Variants in HTR1F observed in about 807,000 individuals in gnomAD.
HTR1F encodes 5-hydroxytryptamine (serotonin) receptor 1F, G protein-coupled.
HTR1F carries 17 observed loss-of-function variants against 24.0 expected under a neutral mutation model. The observed-to-expected ratio is 0.71, with a 90% CI of 0.48 to 1.06. HTR1F has a LOEUF of 1.06. HTR1F is among the 50% of genes least tolerant of loss of function. The pLI is 0.00. For synonymous variants in HTR1F, 186 were observed against 156.8 expected (o/e 1.19, Z -1.39); for missense variants, 391 against 427.8 (o/e 0.91, Z 0.76).
At chr3:87,980,830 C>T (rs887593194) in intron 2 of HTR1F, among the ~76,000 whole-genome samples, 3 of 152,206 alleles carry the variant, frequency 2.0e-5, no homozygotes, top group Non-Finnish European at 2.9e-5. Context: ...CACTCGGGCT[C>T]GGCTTCAACT....
chr3:87,854,479 G>T (rs1200456764), intron 2 of HTR1F, among the ~76,000 whole-genome samples: 2 of 151,576 alleles, frequency 1.3e-5, no homozygotes, highest in African/African-American at 2.4e-5. Flanking sequence ...TTAATACCTA[G>T]GGTAGGTGTG....
At chr3:87,978,417 T>G (rs554744071) in intron 2 of HTR1F, among the ~76,000 whole-genome samples, 1 of 152,150 alleles carries the variant, frequency 6.6e-6, no homozygotes, top group South Asian at 2.1e-4. Flanking sequence ...AACTAGAGAG[T>G]GAGCAAGGTG....
intron 2 of HTR1F, among the ~76,000 whole-genome samples, chr3:87,831,651 T>C (rs981770834): frequency 3.3e-5 from 5 of 152,054 alleles, no homozygotes; most frequent in African/African-American, 1.2e-4. Context: ...CGTGAGCCAC[T>C]GCGCCCGGCC....
At chr3:87,959,199 G>A (rs1419201855) in intron 2 of HTR1F, among the ~76,000 whole-genome samples, 1 of 151,752 alleles carries the variant, frequency 6.6e-6, no homozygotes, top group African/African-American at 2.4e-5. Flanking sequence ...TAGAAATAGA[G>A]TGAGTTCAAA....
At chr3:87,846,297 G>A (rs1205878662) in intron 2 of HTR1F, among the ~76,000 whole-genome samples, 1 of 151,856 alleles carries the variant, frequency 6.6e-6, no homozygotes, top group Non-Finnish European at 1.5e-5. Flanking sequence ...AGCCAGGTGT[G>A]ATGGCAAGCA....
At chr3:87,828,229 C>G (rs1704504476) in intron 2 of HTR1F, among the ~76,000 whole-genome samples, 1 of 152,182 alleles carries the variant, frequency 6.6e-6, no homozygotes, top group Non-Finnish European at 1.5e-5. Context: ...TTCAAAAACC[C>G]ACTTTGTAAC....
At chr3:87,817,020 G>C (rs1196978641) in intron 1 of HTR1F, among the ~76,000 whole-genome samples, 1 of 152,062 alleles carries the variant, frequency 6.6e-6, no homozygotes, top group African/African-American at 2.4e-5. Flanking sequence ...ATTATGTATA[G>C]AAAAACAGAC....
intron 2 of HTR1F, among the ~76,000 whole-genome samples, chr3:87,893,178 A>C (rs1360436377): frequency 6.6e-6 from 1 of 152,162 alleles, no homozygotes; most frequent in Non-Finnish European, 1.5e-5. Flanking sequence ...TATATACACA[A>C]ACATTACTGG....
intron 2 of HTR1F, among the ~76,000 whole-genome samples, chr3:87,873,082 A>T (rs1156768688): frequency 6.9e-6 from 1 of 145,124 alleles, no homozygotes; most frequent in Non-Finnish European, 1.5e-5. Flanking sequence ...GGATGGATAC[A>T]TACATGCATA....
At chr3:87,800,818 C>CT (rs1374882715) in intron 1 of HTR1F, among the ~76,000 whole-genome samples, 1 of 152,196 alleles carries the variant, frequency 6.6e-6, no homozygotes, top group Non-Finnish European at 1.5e-5. Context: ...CATTGGTACT[C>CT]TGTCTATGGC....
Position 87,991,049 on chromosome 3 carries a change from G to A in HTR1F, c.300G>A (p.Leu100=), listed in dbSNP as rs1217297895. ...IMGQVVCDIW[L]SVDITCCTCS... ...GGCAAGTGGTCTGTGACATTTGGCTGAGTGTTGACATTACCTGCTGCACGT... is the reference window on the plus strand; with the variant it reads ...GGCAAGTGGTCTGTGACATTTGGCTAAGTGTTGACATTACCTGCTGCACGT... Residue 100 remains leucine (L), a synonymous_variant, in exon 3 of 3, where the codon CTG becomes CTA. Coordinates refer to ENST00000319595, the MANE Select transcript of HTR1F (RefSeq NM_001322209.2). 6.2e-7 allele frequency: 1 copy of A among 1,614,010 alleles called. No individual in the cohort carries two copies. Among genetic ancestry groups the A allele is most frequent in the African/African-American group, 1.3e-5 (1 of 75,034 alleles).
In HTR1F at chr3:87,992,602, G is replaced by C. The variant is rs983785482; in HGVS notation, c.*752G>C. ...CTTAGTAACAATAACTCAACAAAGGGGCATGGGTGACGTTGTTATAATTGC... is the reference window on the plus strand; with the variant it reads ...CTTAGTAACAATAACTCAACAAAGGCGCATGGGTGACGTTGTTATAATTGC... On this transcript the variant is annotated 3_prime_UTR_variant, in exon 3 of 3. Transcript: ENST00000319595. 9 of 166,806 alleles carry C rather than the reference G, an allele frequency of 5.4e-5. No homozygotes were observed. Among genetic ancestry groups the C allele is most frequent in the Non-Finnish European group, 1.2e-4 (8 of 68,034 alleles). 10.3% of individuals were successfully genotyped at this position (166,806 alleles called of 1,614,324 possible).
chr3:87,808,474 C>A (rs1249890795), intron 1 of HTR1F, among the ~76,000 whole-genome samples: 1 of 149,980 alleles, frequency 6.7e-6, no homozygotes, highest in Non-Finnish European at 1.5e-5. Flanking sequence ...CTTTTTTTTT[C>A]ATATCTGATT....
chr3:87,962,919 A>G (rs1392845696), intron 2 of HTR1F, among the ~76,000 whole-genome samples: 1 of 152,036 alleles, frequency 6.6e-6, no homozygotes. Flanking sequence ...AGTGATACTA[A>G]TAGACAATAA....
At chr3:87,948,326 G>A (rs1704757722) in intron 2 of HTR1F, among the ~76,000 whole-genome samples, 1 of 152,106 alleles carries the variant, frequency 6.6e-6, no homozygotes, top group South Asian at 2.1e-4. Context: ...GAGGTCACTA[G>A]AATAAAGAGG....
intron 2 of HTR1F, among the ~76,000 whole-genome samples, chr3:87,953,963 A>G (rs1432677680): frequency 1.3e-5 from 2 of 151,852 alleles, no homozygotes; most frequent in Non-Finnish European, 3.0e-5. Flanking sequence ...GTTCTAACTT[A>G]CATGTGGAAG....
At chr3:87,919,077 A>G (rs1703955455) in intron 2 of HTR1F, among the ~76,000 whole-genome samples, 1 of 152,078 alleles carries the variant, frequency 6.6e-6, no homozygotes, top group Admixed American at 6.6e-5. Flanking sequence ...TCAAATGCTT[A>G]CAGCCAACTG....
intron 2 of HTR1F, among the ~76,000 whole-genome samples, chr3:87,883,717 T>C (rs1310914501): frequency 1.2e-4 from 19 of 152,054 alleles, no homozygotes; most frequent in Admixed American, 1.2e-3. Flanking sequence ...CAGTAGCCAA[T>C]TCGATCAAGT....
At position 87,930,195 on chromosome 3, in the gene HTR1F, G is replaced by A. The variant is rs531211282; in HGVS notation, c.-42-60513G>A. ...TAAGAAGCTTTTGGGCTTGGACTAT[G>A]GTGTTTTCTAGATATAGAATAGTGT... On this transcript the variant is annotated intron_variant, in intron 2 of 2. Coordinates refer to ENST00000319595, the MANE Select transcript of HTR1F (RefSeq NM_001322209.2). 1.5e-3 allele frequency among the ~76,000 whole-genome samples: 225 copies of A among 152,242 alleles called. 2 individuals are homozygous for A. The highest frequency in any genetic ancestry group is 0.013 in the South Asian group (64 of 4,816).
Sources: allele counts gnomAD v4.1 joint callset (sites outside exome capture counted in the v4.1 genomes callset), GRCh38; gene constraint gnomAD v4.1.1; transcripts MANE v1.5; gene names NCBI Gene and HGNC (gene_info 2026-07-23, HGNC 2026-07-21).